Variants in CCDC85A observed in about 807,000 individuals in gnomAD.
The protein encoded by CCDC85A is coiled-coil domain containing 85A.
In CCDC85A, 38 loss-of-function variants were observed where a neutral mutation model predicts 50.2. The observed-to-expected ratio is 0.76, with a 90% confidence interval of 0.58 to 0.99. CCDC85A has a LOEUF of 0.99. CCDC85A is among the 50% of genes least tolerant of loss of function. The pLI, the probability that CCDC85A is intolerant of heterozygous loss-of-function variation, is 0.00. For missense variants in CCDC85A, 820 were observed against 742.0 expected (o/e 1.11, Z -1.22); for synonymous variants, 366 against 301.4 (o/e 1.21, Z -2.22).
At chr2:56,213,694 G>A (rs1307319540) in intron 2 of CCDC85A, among the ~76,000 whole-genome samples, 2 of 151,886 alleles carry the variant, frequency 1.3e-5, no homozygotes, top group African/African-American at 4.8e-5. Flanking sequence ...CCCTCGAACA[G>A]AGACTAATGA....
At chr2:56,246,044 C>G (rs1408207850) in intron 2 of CCDC85A, among the ~76,000 whole-genome samples, 2 of 152,208 alleles carry the variant, frequency 1.3e-5, no homozygotes, top group Non-Finnish European at 2.9e-5. Context: ...CCTGCCTCAG[C>G]CTCCCAAGTA....
intron 2 of CCDC85A, among the ~76,000 whole-genome samples, chr2:56,341,450 C>G (rs986535152): frequency 7.9e-5 from 12 of 152,136 alleles, no homozygotes; most frequent in Middle Eastern, 3.2e-3. Flanking sequence ...GACTAGCTAC[C>G]TAATGTAACA....
chr2:56,296,912 A>G (rs1671975890), intron 2 of CCDC85A, among the ~76,000 whole-genome samples: 1 of 152,222 alleles, frequency 6.6e-6, no homozygotes, highest in Non-Finnish European at 1.5e-5. Context: ...ATAACACCAT[A>G]TAGAAAAGCA....
In CCDC85A at chr2:56,261,336, C is replaced by T. The variant is rs566957874; in HGVS notation, c.1240+67896C>T. 1.6e-4 allele frequency among the ~76,000 whole-genome samples: 25 copies of T among 152,322 alleles called. No individual in the cohort carries two copies. In the South Asian group the frequency reaches 5.2e-3, roughly 32 times the overall value. On this transcript the variant is annotated intron_variant, in intron 2 of 5. Coordinates refer to ENST00000407595, the MANE Select transcript of CCDC85A (RefSeq NM_001080433.2). ...TTTCCCTTTATTGGTGCTGTGTGCA[C>T]ATCACCAATGCATTTGAATGTATTT...
At chr2:56,197,765 C>T (rs1676585418) in intron 2 of CCDC85A, among the ~76,000 whole-genome samples, 1 of 152,170 alleles carries the variant, frequency 6.6e-6, no homozygotes, top group Non-Finnish European at 1.5e-5. Context: ...CCATTCTAGA[C>T]TAAAGTTGTC....
chr2:56,318,960 A>C (rs774375339), intron 2 of CCDC85A, among the ~76,000 whole-genome samples: 1 of 152,086 alleles, frequency 6.6e-6, no homozygotes, highest in Non-Finnish European at 1.5e-5. Flanking sequence ...GGGCTGCTAT[A>C]GGTAGAAGAT....
intron 1 of CCDC85A, 67 bp downstream of exon 1, chr2:56,184,967 G>T: frequency 7.0e-7 from 1 of 1,428,262 alleles, no homozygotes. Context: ...AGGAGGCGGG[G>T]CCAGGCAAAC....
intron 3 of CCDC85A, among the ~76,000 whole-genome samples, chr2:56,348,808 G>A (rs1319111422): frequency 5.3e-5 from 8 of 152,162 alleles, no homozygotes; most frequent in Non-Finnish European, 8.8e-5. Context: ...CCTTATGTGC[G>A]TTTCCTTGTT....
intron 2 of CCDC85A, among the ~76,000 whole-genome samples, chr2:56,303,920 C>G (rs1341666245): frequency 6.6e-6 from 1 of 152,086 alleles, no homozygotes; most frequent in East Asian, 1.9e-4. Flanking sequence ...TTTTGGGAAA[C>G]TGACACTAAA....
chr2:56,234,982 A>C (rs1355966823), intron 2 of CCDC85A, among the ~76,000 whole-genome samples: 1 of 152,176 alleles, frequency 6.6e-6, no homozygotes, highest in African/African-American at 2.4e-5. Flanking sequence ...GGTTGTGAAA[A>C]ACAGTTTACT....
At chr2:56,319,935 T>G (rs1673093044) in intron 2 of CCDC85A, among the ~76,000 whole-genome samples, 1 of 152,144 alleles carries the variant, frequency 6.6e-6, no homozygotes, top group African/African-American at 2.4e-5. Context: ...TATAGCAAAC[T>G]GTCTCTCAGA....
At chr2:56,310,757 C>A (rs544005626) in intron 2 of CCDC85A, among the ~76,000 whole-genome samples, 1 of 152,234 alleles carries the variant, frequency 6.6e-6, no homozygotes, top group African/African-American at 2.4e-5. Context: ...AGAATTTTTC[C>A]AGGATGCTAG....
chr2:56,225,941 CA>C (rs2103921055), intron 2 of CCDC85A, among the ~76,000 whole-genome samples: 1 of 152,264 alleles, frequency 6.6e-6, no homozygotes, highest in South Asian at 2.1e-4. Flanking sequence ...TCTGGTTAAA[CA>C]ACGAGAAGAA....
intron 2 of CCDC85A, among the ~76,000 whole-genome samples, chr2:56,291,639 T>C (rs1451671376): frequency 6.6e-6 from 1 of 152,156 alleles, no homozygotes; most frequent in African/African-American, 2.4e-5. Flanking sequence ...TGGTGGGCTA[T>C]CAGAGCCTGA....
At chr2:56,314,901 T>C (rs1424721090) in intron 2 of CCDC85A, among the ~76,000 whole-genome samples, 2 of 152,136 alleles carry the variant, frequency 1.3e-5, no homozygotes, top group Admixed American at 1.3e-4. Context: ...GGTCCCTGGT[T>C]CCCAGATCAT....
rs570270499 is a variant in CCDC85A, at chr2:56,294,180, C to A, written c.1241-48699C>A. 3.3e-5 allele frequency among the ~76,000 whole-genome samples: 5 copies of A among 152,102 alleles called. No individual in the cohort carries two copies. In the South Asian group the frequency reaches 8.3e-4, roughly 25 times the overall value. On this transcript the variant is annotated intron_variant, in intron 2 of 5. Transcript: ENST00000407595. The stretch of plus-strand genomic sequence containing the variant: ...GAAGCCATTATCCTCAGCAAAGTAA[C>A]GCAGGAACAGAAAATCAAACACCGA...
intron 2 of CCDC85A, among the ~76,000 whole-genome samples, chr2:56,240,295 G>A (rs889955206): frequency 7.2e-5 from 11 of 152,186 alleles, no homozygotes; most frequent in African/African-American, 2.4e-4. Flanking sequence ...CAGATTGGCC[G>A]CTGGCTGAGT....
chr2:56,254,048 A>T (rs1034379907), intron 2 of CCDC85A, among the ~76,000 whole-genome samples: 1 of 152,196 alleles, frequency 6.6e-6, no homozygotes, highest in African/African-American at 2.4e-5. Flanking sequence ...AGGAAGATAC[A>T]TGTGCATGCA....
intron 2 of CCDC85A, among the ~76,000 whole-genome samples, chr2:56,226,287 T>C (rs1360736473): frequency 6.6e-6 from 1 of 152,190 alleles, no homozygotes; most frequent in Non-Finnish European, 1.5e-5. Context: ...ATAATAGATG[T>C]TATGAGGGCA....
Sources: allele counts gnomAD v4.1 joint callset (sites outside exome capture counted in the v4.1 genomes callset), GRCh38; gene constraint gnomAD v4.1.1; transcripts MANE v1.5; gene names NCBI Gene and HGNC (gene_info 2026-07-23, HGNC 2026-07-21).